The following KRABD3 variants were observed in gnomAD, a reference collection of about 807,000 sequenced individuals.
KRABD3 encodes KRAB domain containing 3.
At chr7:149,724,768 C>G in the KRABD3 span, 1 of 1,579,090 alleles carries the variant, frequency 6.3e-7, no homozygotes, top group African/African-American at 1.3e-5. Flanking sequence ...ATCCTGTCAG[C>G]CTGGCAGGCA....
chr7:149,718,604 T>G, the KRABD3 span, among the ~76,000 whole-genome samples: 2 of 146,202 alleles, frequency 1.4e-5, no homozygotes, highest in Non-Finnish European at 3.0e-5. Flanking sequence ...CTGCAACCTC[T>G]GCCTTCCGAG....
the KRABD3 span, among the ~76,000 whole-genome samples, chr7:149,719,255 G>A: frequency 6.6e-6 from 1 of 152,274 alleles, no homozygotes; most frequent in African/African-American, 2.4e-5. This position sits in a 1 kb window ranked among gnomAD's most constrained non-coding sequence, Gnocchi z 5.6. Flanking sequence ...ACTGGACTAA[G>A]GGTCCCCCCT....
At chr7:149,723,923 A>G in the KRABD3 span, 2 of 1,608,736 alleles carry the variant, frequency 1.2e-6, no homozygotes, top group South Asian at 2.2e-5. Context: ...GAGGGCCCCC[A>G]GACATCCTAC....
the KRABD3 span, chr7:149,722,610 C>A: frequency 1.9e-6 from 3 of 1,559,152 alleles, no homozygotes; most frequent in Non-Finnish European, 2.6e-6. Flanking sequence ...TTAGTTCACA[C>A]GAGGAGGTCA....
At chr7:149,731,317 G>A in the KRABD3 span, among the ~76,000 whole-genome samples, 1 of 152,234 alleles carries the variant, frequency 6.6e-6, no homozygotes, top group Non-Finnish European at 1.5e-5. Flanking sequence ...ACTCCGCAGT[G>A]GGCCTAGTGG....
chr7:149,730,560 T>C, the KRABD3 span: 2 of 1,611,752 alleles, frequency 1.2e-6, no homozygotes, highest in Non-Finnish European at 1.7e-6. Context: ...TGCAGCGGCC[T>C]CGGTGCAGGT....
At chr7:149,724,481 G>A in the KRABD3 span, among the ~76,000 whole-genome samples, 5 of 152,270 alleles carry the variant, frequency 3.3e-5, no homozygotes, top group South Asian at 2.1e-4. Context: ...GGGAGGAGGC[G>A]TGTGACTCAG....
the KRABD3 span, chr7:149,715,275 T>G: frequency 8.2e-7 from 1 of 1,220,724 alleles, no homozygotes; most frequent in Non-Finnish European, 1.0e-6. Context: ...AGTCTCCACC[T>G]GGGGAAACCC....
chr7:149,717,105 G>T, the KRABD3 span, among the ~76,000 whole-genome samples: 1 of 152,156 alleles, frequency 6.6e-6, no homozygotes, highest in South Asian at 2.1e-4. Flanking sequence ...GGTCAGCAGT[G>T]GTACCAGTGC....
At chr7:149,728,397 C>A in the KRABD3 span, 1 of 1,109,140 alleles carries the variant, frequency 9.0e-7, no homozygotes, top group Non-Finnish European at 1.3e-6. Flanking sequence ...ACTGACACGT[C>A]CAGTGCTCTG....
the KRABD3 span, chr7:149,720,228 C>G: frequency 7.6e-7 from 1 of 1,317,592 alleles, no homozygotes; most frequent in African/African-American, 1.5e-5. Flanking sequence ...TCTCACCTCC[C>G]TGCCTCCCCT....
the KRABD3 span, chr7:149,725,346 C>T: frequency 1.2e-6 from 2 of 1,600,658 alleles, no homozygotes; most frequent in East Asian, 2.3e-5. Context: ...CGCTGGAAGC[C>T]CTGGAAGCCT....
At chr7:149,720,824 CCT>C in the KRABD3 span, 10 of 1,574,740 alleles carry the variant, frequency 6.4e-6, 1 homozygote, top group South Asian at 1.0e-4. Flanking sequence ...GTCACTGTGG[CCT>C]CTCTGCAGGG....
the KRABD3 span, among the ~76,000 whole-genome samples, chr7:149,716,976 A>G: frequency 3.3e-5 from 5 of 152,230 alleles, no homozygotes; most frequent in African/African-American, 1.2e-4. Flanking sequence ...CTGAGGTCTC[A>G]TAACTAGTAT....
the KRABD3 span, chr7:149,729,548 C>CA: frequency 1.0e-6 from 1 of 985,470 alleles, no homozygotes; most frequent in Non-Finnish European, 1.2e-6. Context: ...TAAAGTGTCA[C>CA]AAAGTGCTGA....
chr7:149,717,508 G>C, the KRABD3 span, among the ~76,000 whole-genome samples: 1 of 152,254 alleles, frequency 6.6e-6, no homozygotes, highest in Admixed American at 6.5e-5. Flanking sequence ...GAGAAGTTTT[G>C]GAGGGTGTCT....
chr7:149,723,788 T>G, the KRABD3 span: 1 of 1,613,894 alleles, frequency 6.2e-7, no homozygotes, highest in South Asian at 1.1e-5. Context: ...CTACACTGTC[T>G]GAAGGAGCTC....
chr7:149,719,178 C>T, the KRABD3 span, among the ~76,000 whole-genome samples: 1 of 152,192 alleles, frequency 6.6e-6, no homozygotes, highest in African/African-American at 2.4e-5. The surrounding 1 kb of genome is among the most constrained non-coding windows in gnomAD (Gnocchi z 5.6). Context: ...GTAGTCTCTG[C>T]CTGTCTTCAC....
At chr7:149,723,991 A>G in the KRABD3 span, 3 of 1,302,124 alleles carry the variant, frequency 2.3e-6, no homozygotes, top group African/African-American at 1.5e-5. Flanking sequence ...TCAGGCCCCC[A>G]TATTGGCCTG....
Sources: allele counts gnomAD v4.1 joint callset (sites outside exome capture counted in the v4.1 genomes callset), GRCh38; gene constraint gnomAD v4.1.1; non-coding constraint Gnocchi (gnomAD v3.1); transcripts MANE v1.5; gene names NCBI Gene and HGNC (gene_info 2026-07-23, HGNC 2026-07-21).